SEZ6: variants seen among roughly 807,000 people sequenced by gnomAD.
The protein encoded by SEZ6 is seizure protein 6 homolog.
In SEZ6, 53 loss-of-function variants were observed where a neutral mutation model predicts 101.0. The observed-to-expected ratio is 0.52, with a 90% CI of 0.42 to 0.66. SEZ6 has a LOEUF of 0.66. SEZ6 is among the 30% of genes least tolerant of loss of function. SEZ6 has a pLI of 0.00. For synonymous variants in SEZ6, 488 were observed against 512.2 expected (o/e 0.95, Z 0.64); for missense variants, 1,102 against 1,289.4 (o/e 0.85, Z 2.23).
intron 3 of SEZ6, among the ~76,000 whole-genome samples, chr17:28,978,429 G>C (rs1414156125): frequency 6.6e-6 from 1 of 152,246 alleles, no homozygotes; most frequent in Non-Finnish European, 1.5e-5. Flanking sequence ...TTGGATGGAA[G>C]GCAGACTGCT....
chr17:28,964,558 G>C (rs766727036), intron 4 of SEZ6, among the ~76,000 whole-genome samples: 1 of 152,204 alleles, frequency 6.6e-6, no homozygotes, highest in Non-Finnish European at 1.5e-5. Flanking sequence ...ATATCTTCAG[G>C]AAATGCTTAT....
rs200833615 is a variant in SEZ6, at chr17:28,990,894, CATTT to C, written c.56-8859_56-8856del. ...GAGTAGTAATAAAACTCTGGTCTCT[CATTT>C]ATTTATTTATTAAAAAAAATTTTTT... On this transcript the variant is annotated intron_variant, in intron 1 of 16. Coordinates refer to ENST00000317338, the MANE Select transcript of SEZ6 (RefSeq NM_178860.5). 5.1e-3 allele frequency among the ~76,000 whole-genome samples: 771 copies of C among 152,204 alleles called. 2 individuals carry two copies. The highest frequency in any genetic ancestry group is 8.5e-3 in the Non-Finnish European group (578 of 68,008).
At chr17:28,991,843 A>T (rs9898529) in intron 1 of SEZ6, among the ~76,000 whole-genome samples, 26,445 of 152,202 alleles carry the variant, frequency 0.17, 2,451 homozygotes, top group South Asian at 0.34. Context: ...GGCCGCGCAC[A>T]GGTGCTCTGA....
Position 28,991,665 on chromosome 17 carries a change from C to T in SEZ6, c.56-9626G>A, listed in dbSNP as rs185090493. ...GTTAAGATGGGGTGTCTGCTCCCCT[C>T]CTTTCGGGTCTGGGAAAACTGCGGC... On this transcript the variant is annotated intron_variant, in intron 1 of 16. Coordinates refer to ENST00000317338, the MANE Select transcript of SEZ6 (RefSeq NM_178860.5). Among the ~76,000 whole-genome samples the T allele has an allele frequency of 9.9e-4, 150 of 152,270 alleles. 1 individual carries two copies. Among genetic ancestry groups the T allele is most frequent in the African/African-American group, 3.4e-3 (141 of 41,532 alleles).
At chr17:28,980,745 C>T (rs2041289085) in intron 2 of SEZ6, among the ~76,000 whole-genome samples, 2 of 152,130 alleles carry the variant, frequency 1.3e-5, no homozygotes, top group Admixed American at 6.5e-5. Context: ...GTCAGGTGAT[C>T]CACCTGCCTC....
At chr17:28,993,086 C>A (rs1269483054) in intron 1 of SEZ6, among the ~76,000 whole-genome samples, 1 of 152,040 alleles carries the variant, frequency 6.6e-6, no homozygotes, top group African/African-American at 2.4e-5. Context: ...TCGACCCCAG[C>A]CTCTGGGGTA....
At chr17:28,974,423 C>T (rs754680547) in intron 3 of SEZ6, among the ~76,000 whole-genome samples, 11 of 152,188 alleles carry the variant, frequency 7.2e-5, no homozygotes, top group Non-Finnish European at 1.5e-4. Flanking sequence ...CCACCCTATT[C>T]GCATGCCCTC....
intron 3 of SEZ6, among the ~76,000 whole-genome samples, chr17:28,975,183 G>A (rs2041205682): frequency 6.6e-6 from 1 of 152,186 alleles, no homozygotes; most frequent in Admixed American, 6.5e-5. Context: ...TTGCCCTCAG[G>A]TCTGCCAGGG....
intron 4 of SEZ6, among the ~76,000 whole-genome samples, chr17:28,968,920 G>A (rs78738985): frequency 3.3e-5 from 5 of 152,328 alleles, no homozygotes; most frequent in South Asian, 2.1e-4. Context: ...CTGAGACAGC[G>A]GCAAAGTCCT....
Position 28,996,176 on chromosome 17 carries a change from C to G in SEZ6, c.55+9639G>C, listed in dbSNP as rs192830652. On this transcript the variant is annotated intron_variant, in intron 1 of 16. Transcript: ENST00000317338. The stretch of plus-strand genomic sequence containing the variant: ...CTGTAGTCCCAGCCACCACACCCAG[C>G]TAATTAGCTCCAGCCTTATTTCCAA... Among the ~76,000 whole-genome samples the G allele has an allele frequency of 7.4e-4, 112 of 152,150 alleles. 1 individual carries two copies. In the East Asian group the frequency reaches 0.015, roughly 20 times the overall value.
At chr17:28,973,092 C>G (rs1040305502) in intron 3 of SEZ6, among the ~76,000 whole-genome samples, 1 of 152,150 alleles carries the variant, frequency 6.6e-6, no homozygotes, top group Non-Finnish European at 1.5e-5. Context: ...ACAACAGTTG[C>G]CATCATAGAG....
intron 1 of SEZ6, among the ~76,000 whole-genome samples, chr17:28,992,139 C>T (rs1053617133): frequency 1.3e-5 from 2 of 152,214 alleles, no homozygotes; most frequent in Admixed American, 6.5e-5. Flanking sequence ...CCATGCACTT[C>T]ACAAAGAGCT....
chr17:28,960,518 G>A lies in SEZ6; in HGVS notation c.1563C>T (p.Ala521=), dbSNP rs1221730215. Reference sequence around the variant, plus strand: ...CAGCAGGCTCACCCTCATAGCGCAGGGCCATGCCTGCAGCTGCCCCGCTGC... The same window carrying A: ...CAGCAGGCTCACCCTCATAGCGCAGAGCCATGCCTGCAGCTGCCCCGCTGC... The part of the protein sequence containing the change: ...TDSSGAAAGM[A]LRYEAFQQGH... Residue 521 remains alanine, a synonymous_variant, in exon 7 of 17, where the codon GCC becomes GCT. Coordinates refer to ENST00000317338, the MANE Select transcript of SEZ6 (RefSeq NM_178860.5). 7 of 1,592,424 alleles carry A rather than the reference G, an allele frequency of 4.4e-6. No homozygotes were observed. Among genetic ancestry groups the A allele is most frequent in the Non-Finnish European group, 6.0e-6 (7 of 1,170,130 alleles).
chr17:29,004,444 C>G (rs543544881), intron 1 of SEZ6, among the ~76,000 whole-genome samples: 9 of 152,186 alleles, frequency 5.9e-5, no homozygotes, highest in Admixed American at 5.9e-4. Flanking sequence ...AAGTTCTGGG[C>G]GCTGCCGGAG....
At chr17:28,982,153 T>C (rs1041188603) in intron 1 of SEZ6, 114 bp from the exon 2 acceptor site, 2 of 1,427,488 alleles carry the variant, frequency 1.4e-6, no homozygotes, top group African/African-American at 2.9e-5. Flanking sequence ...CTGAGGAGCG[T>C]GCTCACTGCT....
intron 1 of SEZ6, among the ~76,000 whole-genome samples, chr17:28,994,146 C>A (rs2041504037): frequency 6.6e-6 from 1 of 152,232 alleles, no homozygotes; most frequent in African/African-American, 2.4e-5. Context: ...AGCTGAGGAG[C>A]CTGGTGAGGC....
intron 11 of SEZ6, 122 bp from the exon 12 acceptor site, chr17:28,957,661 C>T (rs1489382069): frequency 1.6e-5 from 17 of 1,087,088 alleles, no homozygotes; most frequent in Non-Finnish European, 2.2e-5. Flanking sequence ...CCCTACGTAT[C>T]TGTCCCTACC....
chr17:28,995,792 T>C (rs2041529244), intron 1 of SEZ6, among the ~76,000 whole-genome samples: 1 of 151,836 alleles, frequency 6.6e-6, no homozygotes, highest in African/African-American at 2.4e-5. Flanking sequence ...GGCTCAAGGG[T>C]GTGGAAGGCA....
In SEZ6 at chr17:28,959,554, A is replaced by G; in HGVS notation, c.1772-82T>C. 2.6e-6 allele frequency: 4 copies of G among 1,564,720 alleles called. No homozygotes were observed. The highest frequency in any genetic ancestry group is 1.2e-5 in the South Asian group (1 of 85,422). The stretch of plus-strand genomic sequence containing the variant: ...CCATCTGCCCGCAGGAGTGCCCACA[A>G]ATTGCTGGGACCCCCCACCTCCTCC... On this transcript the variant is annotated intron_variant, in intron 8 of 16. Coordinates refer to ENST00000317338, the MANE Select transcript of SEZ6 (RefSeq NM_178860.5). The surrounding 1 kb of genome is among the most constrained non-coding windows in gnomAD (Gnocchi z 4.4).
Sources: allele counts gnomAD v4.1 joint callset (sites outside exome capture counted in the v4.1 genomes callset), GRCh38; gene constraint gnomAD v4.1.1; non-coding constraint Gnocchi (gnomAD v3.1); transcripts MANE v1.5; gene names NCBI Gene and HGNC (gene_info 2026-07-23, HGNC 2026-07-21).